HCRTR2: variants seen among roughly 807,000 people sequenced by gnomAD.
The protein encoded by HCRTR2 is hypocretin receptor 2.
Under a neutral mutation model 49.0 loss-of-function variants are expected in HCRTR2, and 22 were observed. The observed-to-expected ratio is 0.45, with a 90% CI of 0.32 to 0.64. HCRTR2 has a LOEUF of 0.64. Ranked by LOEUF, HCRTR2 falls within the 30% of genes least tolerant of loss-of-function variation. The pLI is 0.04. For synonymous variants in HCRTR2, 236 were observed against 205.3 expected, an observed-to-expected ratio of 1.15 and a Z score of -1.28; for missense variants, 491 against 559.4, an observed-to-expected ratio of 0.88 and a Z score of 1.23.
chr6:55,170,382 A>G (rs1462217328), upstream of HCRTR2, among the ~76,000 whole-genome samples: 1 of 150,662 alleles, frequency 6.6e-6, no homozygotes, highest in Admixed American at 6.6e-5. Flanking sequence ...ACACGCATAG[A>G]ATGTGTAATG....
chr6:55,164,803 C>G (rs1347733228), intron 1 of HCRTR2, among the ~76,000 whole-genome samples: 3 of 151,728 alleles, frequency 2.0e-5, no homozygotes, highest in Admixed American at 6.6e-5. Flanking sequence ...AAAACATGAC[C>G]TTACCAAAGA....
intron 1 of HCRTR2, among the ~76,000 whole-genome samples, chr6:55,147,188 G>A (rs1452751819): frequency 6.6e-6 from 1 of 151,836 alleles, no homozygotes; most frequent in Admixed American, 6.6e-5. Context: ...ACAAAATATA[G>A]CTATTTTATT....
At chr6:55,251,310 G>A (rs1766545411) in intron 2 of HCRTR2, among the ~76,000 whole-genome samples, 1 of 152,052 alleles carries the variant, frequency 6.6e-6, no homozygotes, top group Non-Finnish European at 1.5e-5. Flanking sequence ...TGAGTGATAT[G>A]CTGTAACGCA....
chr6:55,106,673 T>G (rs1763979547), intron 1 of HCRTR2: 1 of 152,162 alleles, frequency 6.6e-6, no homozygotes, highest in Non-Finnish European at 1.5e-5. Context: ...TAAAGACAAT[T>G]TATTAAATAT....
intron 1 of HCRTR2, among the ~76,000 whole-genome samples, chr6:55,196,466 C>G (rs1200889072): frequency 2.0e-5 from 3 of 152,180 alleles, no homozygotes; most frequent in Admixed American, 2.0e-4. Flanking sequence ...AGATCTTTCC[C>G]TTTGCCACAT....
At chr6:55,133,157 A>G (rs1275332170) in intron 1 of HCRTR2, among the ~76,000 whole-genome samples, 1 of 151,900 alleles carries the variant, frequency 6.6e-6, no homozygotes, top group Non-Finnish European at 1.5e-5. Context: ...ACCACCAATA[A>G]GTAAAATGGT....
At chr6:55,197,777 A>G (rs1293121946) in intron 1 of HCRTR2, among the ~76,000 whole-genome samples, 1 of 152,060 alleles carries the variant, frequency 6.6e-6, no homozygotes, top group African/African-American at 2.4e-5. Flanking sequence ...GCCCGCCACC[A>G]TGCCTGGCTA....
chr6:55,208,831 G>C (rs1275091876), intron 1 of HCRTR2, among the ~76,000 whole-genome samples: 1 of 152,104 alleles, frequency 6.6e-6, no homozygotes, highest in Non-Finnish European at 1.5e-5. Flanking sequence ...GTCAGATTTA[G>C]ATGAACCATA....
At chr6:55,178,122 G>A (rs1765071591) in intron 1 of HCRTR2, among the ~76,000 whole-genome samples, 1 of 152,040 alleles carries the variant, frequency 6.6e-6, no homozygotes, top group Non-Finnish European at 1.5e-5. Flanking sequence ...GGAGCCTCTG[G>A]GGAAATGTAA....
intron 6 of HCRTR2, among the ~76,000 whole-genome samples, chr6:55,281,495 C>T (rs921443613): frequency 5.3e-5 from 8 of 152,172 alleles, no homozygotes; most frequent in African/African-American, 1.9e-4. Context: ...CATTATGTGA[C>T]TGCTATTGTG....
At chr6:55,138,577 T>A (rs1764462887) in intron 1 of HCRTR2, among the ~76,000 whole-genome samples, 1 of 152,234 alleles carries the variant, frequency 6.6e-6, no homozygotes, top group Admixed American at 6.5e-5. Flanking sequence ...GTATTTTTTG[T>A]TACAATCACT....
At chr6:55,168,234 G>A (rs532075416) in intron 1 of HCRTR2, among the ~76,000 whole-genome samples, 1 of 152,258 alleles carries the variant, frequency 6.6e-6, no homozygotes, top group East Asian at 1.9e-4. Context: ...TGGGGGAGAT[G>A]TCATCCTGAA....
chr6:55,151,662 C>T (rs1235624161), intron 1 of HCRTR2, among the ~76,000 whole-genome samples: 1 of 151,930 alleles, frequency 6.6e-6, no homozygotes, highest in Non-Finnish European at 1.5e-5. Context: ...GGTTTCCACC[C>T]ACGAATCACA....
downstream of HCRTR2, among the ~76,000 whole-genome samples, chr6:55,283,946 A>C (rs554023434): frequency 6.6e-6 from 1 of 152,136 alleles, no homozygotes; most frequent in Non-Finnish European, 1.5e-5. Context: ...GTTTATTGAG[A>C]TCATATTGTA....
intron 1 of HCRTR2, among the ~76,000 whole-genome samples, chr6:55,238,376 T>G (rs138586092): frequency 2.2e-4 from 34 of 152,282 alleles, no homozygotes; most frequent in African/African-American, 6.5e-4. Context: ...ACTGTCAGTA[T>G]TAATCTCTCT....
chr6:55,165,744 AATATAT>A (rs56655240), intron 1 of HCRTR2, among the ~76,000 whole-genome samples: 59 of 128,488 alleles, frequency 4.6e-4, no homozygotes, highest in African/African-American at 1.3e-3. Flanking sequence ...TAGTATACAG[AATATAT>A]ATATATATAT....
At position 55,164,245 on chromosome 6, in the gene HCRTR2, A is replaced by G. The variant is rs555922999; in HGVS notation, c.-377-9966A>G. Among the ~76,000 whole-genome samples, 277 of 152,288 alleles carry G rather than the reference A, an allele frequency of 1.8e-3. 1 individual carries two copies. The highest frequency in any genetic ancestry group is 3.0e-3 in the Non-Finnish European group (206 of 68,018). ...TCCTCAAGGATCTAGAACCAGAAAT[A>G]CCATTTGACCTAGCAATCCCATTAC... On this transcript the variant is annotated intron_variant, in intron 1 of 7. Transcript: ENST00000615358.
intron 1 of HCRTR2, among the ~76,000 whole-genome samples, chr6:55,154,047 A>G (rs1178762818): frequency 6.6e-6 from 1 of 151,826 alleles, no homozygotes; most frequent in Non-Finnish European, 1.5e-5. Context: ...ATAAATTCCT[A>G]GAAATACACA....
At chr6:55,141,717 A>G (rs1055601389) in intron 1 of HCRTR2, among the ~76,000 whole-genome samples, 1 of 152,194 alleles carries the variant, frequency 6.6e-6, no homozygotes, top group Non-Finnish European at 1.5e-5. Flanking sequence ...CCTAGAGAAC[A>G]AACAATACAA....
Sources: allele counts gnomAD v4.1 joint callset (sites outside exome capture counted in the v4.1 genomes callset), GRCh38; gene constraint gnomAD v4.1.1; transcripts MANE v1.5; gene names NCBI Gene and HGNC (gene_info 2026-07-23, HGNC 2026-07-21).